SYN3: variants seen among roughly 807,000 people sequenced by gnomAD.
SYN3 encodes synapsin-3.
A neutral mutation model predicts 65.8 loss-of-function variants in SYN3; 35 were observed. That is an observed-to-expected ratio of 0.53 (90% CI 0.41 to 0.70). SYN3 has a LOEUF of 0.70. SYN3 is among the 30% of genes least tolerant of loss of function. SYN3 has a pLI of 0.00. For synonymous variants in SYN3, 270 were observed against 292.9 expected (o/e 0.92, Z 0.80); for missense variants, 680 against 749.0 (o/e 0.91, Z 1.08).
chr22:32,679,126 C>A (rs901490887), intron 6 of SYN3, among the ~76,000 whole-genome samples: 3 of 136,186 alleles, frequency 2.2e-5, no homozygotes, highest in African/African-American at 8.3e-5. Context: ...GATCTTGGCT[C>A]ACTGCAACCT....
rs1205294118 is a variant in SYN3 at position 32,569,565 on chromosome 22, CTCTCTCTATA to C, written c.774+27099_774+27108del. ...TCTCTCTCTCTCTCTCTCTCTCTCT[CTCTCTCTATA>C]TATATATATATATAAAATCTATCTA... On this transcript the variant is annotated intron_variant, in intron 7 of 13. Transcript: ENST00000358763. 4.8e-4 allele frequency among the ~76,000 whole-genome samples: 27 copies of C among 56,382 alleles called. 1 individual carries two copies. Among genetic ancestry groups the C allele is most frequent in the African/African-American group, 1.2e-3 (23 of 18,936 alleles). 37.0% of individuals were successfully genotyped at this position (56,382 alleles called of 152,430 possible).
chr22:32,963,604 T>G lies in SYN3; in HGVS notation c.369+17041A>C, dbSNP rs551645057. On this transcript the variant is annotated intron_variant, in intron 3 of 13. Transcript: ENST00000358763. ...CTTTTGGACACCAACATGCAGAACT[T>G]GAGGGAAAGCCACCATAAACAAGAA... is the stretch of plus-strand genomic sequence containing the variant. Among the ~76,000 whole-genome samples, 6 of 152,080 alleles carry G rather than the reference T, an allele frequency of 3.9e-5. No homozygotes were observed. In the South Asian group the frequency reaches 1.0e-3, roughly 26 times the overall value.
intron 3 of SYN3, among the ~76,000 whole-genome samples, chr22:32,939,909 G>A (rs916141912): frequency 6.6e-6 from 1 of 152,144 alleles, no homozygotes; most frequent in African/African-American, 2.4e-5. Flanking sequence ...TAGGCATACA[G>A]GATTTAGAAG....
At chr22:32,798,651 G>C (rs2046485846) in intron 6 of SYN3, among the ~76,000 whole-genome samples, 1 of 147,048 alleles carries the variant, frequency 6.8e-6, no homozygotes, top group South Asian at 2.2e-4. Flanking sequence ...GTTCTTAGCT[G>C]TCAAGAGAAA....
intron 6 of SYN3, among the ~76,000 whole-genome samples, chr22:32,834,710 G>A (rs2047679487): frequency 1.3e-5 from 2 of 152,182 alleles, no homozygotes; most frequent in South Asian, 4.1e-4. Context: ...AGGACAGCTG[G>A]CCCTGTGCTT....
chr22:32,742,949 C>T (rs958314388), intron 6 of SYN3, among the ~76,000 whole-genome samples: 6 of 152,166 alleles, frequency 3.9e-5, no homozygotes, highest in South Asian at 2.1e-4. Flanking sequence ...GACCCTATCA[C>T]GTATGATGCC....
intron 6 of SYN3, among the ~76,000 whole-genome samples, chr22:32,616,238 G>A (rs1056040407): frequency 1.3e-5 from 2 of 152,090 alleles, no homozygotes; most frequent in African/African-American, 4.8e-5. Context: ...CAGGAGCCTC[G>A]AGGTGGCGAG....
intron 6 of SYN3, among the ~76,000 whole-genome samples, chr22:32,692,411 C>T (rs1029789857): frequency 3.1e-4 from 47 of 152,180 alleles, no homozygotes; most frequent in Non-Finnish European, 6.3e-4. Flanking sequence ...TGGTCCTCTA[C>T]CCAGAAATGA....
At chr22:32,745,352 C>T (rs947145245) in intron 6 of SYN3, among the ~76,000 whole-genome samples, 28 of 152,368 alleles carry the variant, frequency 1.8e-4, no homozygotes, top group African/African-American at 6.7e-4. Context: ...TCAGGCCGCA[C>T]ATCTGGAGGG....
At chr22:32,702,907 G>A (rs1452690303) in intron 6 of SYN3, among the ~76,000 whole-genome samples, 13 of 152,166 alleles carry the variant, frequency 8.5e-5, no homozygotes, top group Admixed American at 8.5e-4. Flanking sequence ...TAAAAATTTA[G>A]TCATAGCTAA....
chr22:32,717,573 T>G (rs1353628405), intron 6 of SYN3, among the ~76,000 whole-genome samples: 2 of 150,028 alleles, frequency 1.3e-5, no homozygotes, highest in East Asian at 3.9e-4. Context: ...ATTCTGGGGG[T>G]GGTGGTGGGG....
chr22:32,868,372 TATATC>T (rs1486850180), intron 5 of SYN3, among the ~76,000 whole-genome samples: 3 of 151,380 alleles, frequency 2.0e-5, no homozygotes, highest in East Asian at 1.9e-4. Flanking sequence ...TGTAATATCA[TATATC>T]ATATATTACA....
intron 6 of SYN3, among the ~76,000 whole-genome samples, chr22:32,721,918 T>C (rs1010860044): frequency 6.6e-6 from 1 of 152,218 alleles, no homozygotes; most frequent in Non-Finnish European, 1.5e-5. Flanking sequence ...GACAAAATGC[T>C]GGCTCCAGGA....
Position 32,980,592 on chromosome 22 carries a change from C to T in SYN3, c.369+53G>A, listed in dbSNP as rs2052341543. On this transcript the variant is annotated intron_variant, in intron 3 of 13. Coordinates refer to ENST00000358763, the MANE Select transcript of SYN3 (RefSeq NM_003490.4). The stretch of plus-strand genomic sequence containing the variant: ...GACCAAGATTGCATGTAAGAACAGC[C>T]CCAGCGGCAGAAAAGGTCAGTTGAC... 2.6e-6 allele frequency: 4 copies of T among 1,543,158 alleles called. No homozygotes were observed. The Admixed American group carries it at 6.7e-5, about 26-fold the overall frequency.
intron 1 of SYN3, among the ~76,000 whole-genome samples, chr22:33,010,645 T>C (rs1396122234): frequency 1.3e-5 from 2 of 152,230 alleles, no homozygotes; most frequent in African/African-American, 4.8e-5. Context: ...TTAGATATCC[T>C]AGGTCCTATT....
chr22:32,940,693 T>C (rs1217691824), intron 3 of SYN3, among the ~76,000 whole-genome samples: 1 of 152,236 alleles, frequency 6.6e-6, no homozygotes, highest in Non-Finnish European at 1.5e-5. Context: ...AGTCTATTTC[T>C]AAATTCTCTA....
At chr22:32,687,545 C>T (rs1255068788) in intron 6 of SYN3, among the ~76,000 whole-genome samples, 2 of 152,174 alleles carry the variant, frequency 1.3e-5, no homozygotes, top group African/African-American at 2.4e-5. Context: ...CCCCCATTAC[C>T]TCTTGCCAGG....
chr22:32,807,399 A>ATTATATATAATATATATT (rs35759234), intron 6 of SYN3, among the ~76,000 whole-genome samples: 2 of 118,362 alleles, frequency 1.7e-5, no homozygotes, highest in Non-Finnish European at 3.3e-5. Context: ...TATATAATAT[A>ATTATATATAATATATATT]TATATATTAT....
chr22:33,008,357 G>C (rs1476531510), intron 1 of SYN3, among the ~76,000 whole-genome samples: 1 of 152,134 alleles, frequency 6.6e-6, no homozygotes, highest in East Asian at 1.9e-4. Flanking sequence ...CTACACCTCA[G>C]AAAGTTCTTT....
Sources: gnomAD v4.1 joint callset for allele counts (sites outside exome capture counted in the v4.1 genomes callset) on GRCh38, gnomAD v4.1.1 for gene constraint, MANE v1.5 for transcripts, NCBI Gene and HGNC (gene_info 2026-07-23, HGNC 2026-07-21) for gene names.